PLEKHA7: variants seen among roughly 807,000 people sequenced by gnomAD.
PLEKHA7 encodes pleckstrin homology domain containing A7.
PLEKHA7 carries 104 observed loss-of-function variants against 170.0 expected under a neutral mutation model. The ratio of observed to expected loss-of-function variants is 0.61; its 90% confidence interval spans 0.52 to 0.72. The LOEUF (loss-of-function observed/expected upper bound fraction) is 0.72. Among genes scored for constraint, PLEKHA7 ranks in the 30% least tolerant of loss-of-function variants. The pLI, the probability that PLEKHA7 is intolerant of heterozygous loss-of-function variation, is 0.00. For synonymous variants in PLEKHA7, 648 were observed against 660.8 expected (o/e 0.98, Z 0.30); for missense variants, 1,615 against 1,671.7 (o/e 0.97, Z 0.59).
At chr11:17,009,927 C>CA (rs1198267513) in intron 3 of PLEKHA7, among the ~76,000 whole-genome samples, 12 of 152,134 alleles carry the variant, frequency 7.9e-5, no homozygotes, top group African/African-American at 2.2e-4. Flanking sequence ...TATACCCAGC[C>CA]AAAAAATCTT....
At position 16,850,254 on chromosome 11, in the gene PLEKHA7, C is replaced by T. The variant is rs142346518; in HGVS notation, c.696+937G>A. Among the ~76,000 whole-genome samples, 12 of 152,294 alleles carry T rather than the reference C, an allele frequency of 7.9e-5. No individual in the cohort carries two copies. The East Asian group carries it at 1.7e-3, about 22-fold the overall frequency. ...TCATCTTGTGCCTCCAACATGGAAA[C>T]GGCCAAGCAACAAGTGTAGTGGGGA... On this transcript the variant is annotated intron_variant, in intron 8 of 26. Coordinates refer to ENST00000531066, the MANE Select transcript of PLEKHA7 (RefSeq NM_001329630.2).
intron 19 of PLEKHA7, among the ~76,000 whole-genome samples, chr11:16,793,616 C>T (rs926940425): frequency 1.3e-5 from 2 of 152,274 alleles, no homozygotes; most frequent in Non-Finnish European, 2.9e-5. Context: ...GAGGTCCACT[C>T]TTCTATGGCT....
chr11:16,847,928 C>A (rs1042200984), intron 8 of PLEKHA7, among the ~76,000 whole-genome samples: 1 of 149,866 alleles, frequency 6.7e-6, no homozygotes, highest in Admixed American at 6.6e-5. Flanking sequence ...ACAACCTGAA[C>A]AAGGGTGCAA....
intron 3 of PLEKHA7, among the ~76,000 whole-genome samples, chr11:16,877,745 A>G (rs1168426979): frequency 6.6e-6 from 1 of 152,248 alleles, no homozygotes; most frequent in Non-Finnish European, 1.5e-5. Context: ...TGCCCTAAGC[A>G]ACAAGTCAGC....
intron 3 of PLEKHA7, among the ~76,000 whole-genome samples, chr11:16,872,527 CA>C (rs1176998828): frequency 6.6e-6 from 1 of 152,016 alleles, no homozygotes; most frequent in East Asian, 1.9e-4. Context: ...TGAATGTAAA[CA>C]AAAATTTTTT....
At chr11:16,832,328 C>A (rs1205062059) in intron 9 of PLEKHA7, among the ~76,000 whole-genome samples, 1 of 115,302 alleles carries the variant, frequency 8.7e-6, no homozygotes, top group African/African-American at 2.6e-5. Context: ...AGGGGCTACT[C>A]TTATCATTGA....
intron 3 of PLEKHA7, among the ~76,000 whole-genome samples, chr11:16,911,653 A>G (rs930677515): frequency 2.6e-5 from 4 of 151,968 alleles, no homozygotes; most frequent in Admixed American, 2.0e-4. Flanking sequence ...CGGGGATAAC[A>G]GAGAGCCATG....
intron 3 of PLEKHA7, among the ~76,000 whole-genome samples, chr11:16,924,715 T>C (rs1160682361): frequency 1.3e-5 from 2 of 152,096 alleles, no homozygotes; most frequent in African/African-American, 2.4e-5. Context: ...CTGCAACACC[T>C]TGGGCTTAAA....
chr11:16,886,294 A>C (rs1194952255), intron 3 of PLEKHA7, among the ~76,000 whole-genome samples: 1 of 152,212 alleles, frequency 6.6e-6, no homozygotes, highest in Non-Finnish European at 1.5e-5. Context: ...CAGGCCCTGG[A>C]GTTCAGCTCT....
intron 9 of PLEKHA7, among the ~76,000 whole-genome samples, chr11:16,840,781 A>T (rs7108206): frequency 5.8e-4 from 89 of 152,294 alleles, no homozygotes; most frequent in African/African-American, 2.0e-3. Context: ...ACACTGCATG[A>T]AAGAGATCAT....
At chr11:16,832,892 AGCACTGATCT>A (rs1851225801) in intron 9 of PLEKHA7, among the ~76,000 whole-genome samples, 2 of 152,316 alleles carry the variant, frequency 1.3e-5, no homozygotes, top group African/African-American at 4.8e-5. Context: ...CTGGGTCCTG[AGCACTGATCT>A]GCAGTCTCAG....
At chr11:16,869,489 A>G (rs1026976010) in intron 4 of PLEKHA7, among the ~76,000 whole-genome samples, 5 of 152,238 alleles carry the variant, frequency 3.3e-5, no homozygotes, top group African/African-American at 1.2e-4. Context: ...GGATGATCCT[A>G]TTAAATGAGA....
In PLEKHA7 at chr11:16,802,599, A is replaced by G. The variant is rs572446876; in HGVS notation, c.2157+373T>C. ...GTCTTCCTCTGTTGCCTAGGCTGGA[A>G]TACAGTGGCGTGATCTCGGCTCACT... On this transcript the variant is annotated intron_variant, in intron 15 of 26. Coordinates refer to ENST00000531066, the MANE Select transcript of PLEKHA7 (RefSeq NM_001329630.2). Among the ~76,000 whole-genome samples, 7 of 152,158 alleles carry G rather than the reference A, an allele frequency of 4.6e-5. No homozygotes were observed. The South Asian group carries it at 1.5e-3, about 32-fold the overall frequency.
At chr11:16,882,996 C>T (rs900713498) in intron 3 of PLEKHA7, among the ~76,000 whole-genome samples, 1 of 152,066 alleles carries the variant, frequency 6.6e-6, no homozygotes, top group African/African-American at 2.4e-5. Flanking sequence ...CTTCATTTCA[C>T]AAAAGAGGAA....
intron 13 of PLEKHA7, 168 bp from the exon 14 acceptor site, chr11:16,803,463 T>C: frequency 1.6e-6 from 1 of 630,506 alleles, no homozygotes; most frequent in Non-Finnish European, 2.7e-6. Flanking sequence ...TTTCTATGCC[T>C]ATTTCATTTT....
intron 4 of PLEKHA7, among the ~76,000 whole-genome samples, chr11:16,858,492 A>ATT (rs59399110): frequency 4.9e-5 from 7 of 143,148 alleles, no homozygotes; most frequent in Non-Finnish European, 3.1e-5. Flanking sequence ...TCTTTAACAA[A>ATT]TTTTTTTTTT....
intron 10 of PLEKHA7, among the ~76,000 whole-genome samples, chr11:16,822,966 G>C (rs1022526408): frequency 3.3e-5 from 5 of 150,738 alleles, no homozygotes; most frequent in African/African-American, 9.7e-5. Flanking sequence ...AATCACCTAG[G>C]GAGTTGTATG....
At chr11:16,825,282 G>A (rs1850548383) in intron 10 of PLEKHA7, among the ~76,000 whole-genome samples, 1 of 152,258 alleles carries the variant, frequency 6.6e-6, no homozygotes, top group South Asian at 2.1e-4. Flanking sequence ...CCAACAGGGA[G>A]AATGAAGTGT....
At chr11:16,809,903 T>A (rs973108515) in intron 13 of PLEKHA7, among the ~76,000 whole-genome samples, 1 of 152,174 alleles carries the variant, frequency 6.6e-6, no homozygotes, top group Non-Finnish European at 1.5e-5. Flanking sequence ...CTTCAATCAT[T>A]CCGCACTGTA....
Sources: allele counts gnomAD v4.1 joint callset (sites outside exome capture counted in the v4.1 genomes callset), GRCh38; gene constraint gnomAD v4.1.1; transcripts MANE v1.5; gene names NCBI Gene and HGNC (gene_info 2026-07-23, HGNC 2026-07-21).